SNED1: variants seen among roughly 807,000 people sequenced by gnomAD.
SNED1 encodes the protein sushi, nidogen and EGF like domains 1, also known as sushi, nidogen and EGF-like domain-containing protein 1.
In SNED1, 81 loss-of-function variants were observed where a neutral mutation model predicts 166.7. The observed-to-expected ratio is 0.49, with a 90% CI of 0.41 to 0.58. The LOEUF (loss-of-function observed/expected upper bound fraction) is 0.58, where lower values mean the gene tolerates loss of function less well. SNED1 is among the 20% of genes least tolerant of loss of function. The pLI, the probability that SNED1 is intolerant of heterozygous loss-of-function variation, is 0.00. For missense variants in SNED1, 1,604 were observed against 2,000.2 expected (o/e 0.80, Z 3.78); for synonymous variants, 762 against 822.0 (o/e 0.93, Z 1.25).
chr2:241,068,086 T>G lies in SNED1; in HGVS notation c.3194+139T>G. ...CTCCTCACCTGAGCGGAGACAAAGG[T>G]CTCAGGTGAGCCAGCCTCAGACCCT... On this transcript the variant is annotated intron_variant, in intron 22 of 31. Transcript: ENST00000310397. The surrounding 1 kb of genome is among the most constrained non-coding windows in gnomAD (Gnocchi z 5.3). 4.8e-6 allele frequency: 4 copies of G among 827,048 alleles called. No homozygotes were observed. The highest frequency in any genetic ancestry group is 7.4e-6 in the Non-Finnish European group (4 of 540,258). The allele number at this position is 827,048 out of a possible 1,614,324, so 51.2% of individuals were successfully genotyped here. A position where few individuals can be genotyped will look rare whatever the true frequency, so the allele number is the denominator to read the frequency against.
intron 24 of SNED1, 73 bp from the exon 25 acceptor site, chr2:241,071,503 C>A: frequency 2.0e-6 from 3 of 1,503,738 alleles, no homozygotes; most frequent in Non-Finnish European, 2.7e-6. Flanking sequence ...AGGGGCACCA[C>A]CCATGCCACA....
In SNED1 at chr2:241,081,920, G is replaced by T. The variant is rs557160404; in HGVS notation, c.4033+127G>T. On this transcript the variant is annotated intron_variant, in intron 28 of 31. Transcript: ENST00000310397. ...GATGAGGTGCCAGACAGGGAGTCTG[G>T]TGCACGGGGCTGACCCCTGAGCCCC... 3 of 731,200 alleles carry T rather than the reference G, an allele frequency of 4.1e-6. No homozygotes were observed. The African/African-American group carries it at 5.2e-5, about 13-fold the overall frequency. The allele number at this position is 731,200 out of a possible 1,614,324, so 45.3% of individuals were successfully genotyped here. A position where few individuals can be genotyped will look rare whatever the true frequency, so the allele number is the denominator to read the frequency against.
chr2:241,009,426 C>T (rs2060318912), intron 1 of SNED1, among the ~76,000 whole-genome samples: 1 of 152,090 alleles, frequency 6.6e-6, no homozygotes, highest in African/African-American at 2.4e-5. Flanking sequence ...GAGCACCTGG[C>T]CAAAGTGGGA....
intron 16 of SNED1, among the ~76,000 whole-genome samples, chr2:241,060,792 G>A (rs1041562928): frequency 3.3e-5 from 5 of 152,186 alleles, no homozygotes; most frequent in African/African-American, 9.6e-5. Flanking sequence ...TTAACCAGGC[G>A]TAGTGGCATG....
At chr2:240,998,394 G>A (rs1470801814), upstream of SNED1, among the ~76,000 whole-genome samples, 1 of 152,212 alleles carries the variant, frequency 6.6e-6, no homozygotes, top group East Asian at 1.9e-4. Context: ...GGGCCCAGGC[G>A]CCTCCACCAG....
intron 14 of SNED1, 33 bp downstream of exon 14, chr2:241,052,190 C>T: frequency 6.3e-7 from 1 of 1,575,250 alleles, no homozygotes; most frequent in Non-Finnish European, 8.7e-7. Context: ...CCAGGGCGGC[C>T]AGGGGTGAAC....
chr2:241,009,221 C>G (rs1447777880), intron 1 of SNED1, among the ~76,000 whole-genome samples: 1 of 152,134 alleles, frequency 6.6e-6, no homozygotes, highest in South Asian at 2.1e-4. Context: ...TGTGAGGAGG[C>G]CCCTCCCTCT....
At chr2:241,052,276 T>C in intron 14 of SNED1, 79 bp from the exon 15 acceptor site, 1 of 1,440,620 alleles carries the variant, frequency 6.9e-7, no homozygotes, top group African/African-American at 1.4e-5. Flanking sequence ...TGGAGCTGGG[T>C]GCAGGAGGCA....
At chr2:241,078,257 C>T (rs1034148047) in intron 27 of SNED1, among the ~76,000 whole-genome samples, 2 of 151,538 alleles carry the variant, frequency 1.3e-5, no homozygotes, top group Admixed American at 1.3e-4. Flanking sequence ...GTGGCGGGCG[C>T]CTGTAGTCCC....
chr2:241,047,372 G>A (rs2061681546), intron 8 of SNED1, among the ~76,000 whole-genome samples: 1 of 152,094 alleles, frequency 6.6e-6, no homozygotes, highest in Admixed American at 6.5e-5. Context: ...TGACTGAACT[G>A]CAAGGAGAAA....
chr2:241,012,539 C>T (rs920362380), intron 1 of SNED1, among the ~76,000 whole-genome samples: 5 of 152,154 alleles, frequency 3.3e-5, no homozygotes, highest in African/African-American at 9.6e-5. Flanking sequence ...ACCTCTGTAT[C>T]GTTGTATGAA....
At chr2:241,009,812 CGG>C (rs2060331987) in intron 1 of SNED1, among the ~76,000 whole-genome samples, 1 of 125,800 alleles carries the variant, frequency 7.9e-6, no homozygotes, top group African/African-American at 5.7e-5. Context: ...TGTGTTTCCC[CGG>C]AGGCGTCCCA....
intron 1 of SNED1, among the ~76,000 whole-genome samples, chr2:241,021,035 C>T (rs2060756678): frequency 2.0e-5 from 3 of 152,236 alleles, no homozygotes; most frequent in African/African-American, 4.8e-5. Flanking sequence ...CCCACTGCAA[C>T]CCCCTCGCTT....
chr2:241,053,418 C>T, intron 16 of SNED1, 92 bp downstream of exon 16: 1 of 1,318,878 alleles, frequency 7.6e-7, no homozygotes, highest in Non-Finnish European at 1.0e-6. Context: ...CAGGCCCAAG[C>T]CTGGATGCCC....
chr2:241,019,636 A>G (rs866798783), intron 1 of SNED1, among the ~76,000 whole-genome samples: 3 of 152,208 alleles, frequency 2.0e-5, no homozygotes, highest in Non-Finnish European at 4.4e-5. Flanking sequence ...CTCGTCCACA[A>G]TGATGGCTGC....
intron 1 of SNED1, among the ~76,000 whole-genome samples, chr2:241,003,126 G>A (rs568553695): frequency 8.2e-3 from 62 of 7,576 alleles, no homozygotes; most frequent in African/African-American, 0.028. Context: ...GCCCTCCCCC[G>A]GGCCCCCCGC....
intron 1 of SNED1, among the ~76,000 whole-genome samples, chr2:241,020,728 G>C (rs78776969): frequency 6.6e-6 from 1 of 152,272 alleles, no homozygotes; most frequent in South Asian, 2.1e-4. Flanking sequence ...CACCTTAAAG[G>C]GGGTGCAGTG....
At chr2:241,056,671 C>T (rs2062052120) in intron 16 of SNED1, among the ~76,000 whole-genome samples, 1 of 140,138 alleles carries the variant, frequency 7.1e-6, no homozygotes, top group African/African-American at 2.7e-5. Flanking sequence ...ATCTCCGCCT[C>T]CTGGGTTCAC....
chr2:241,067,617 G>A (rs2062514344), intron 21 of SNED1, 147 bp from the exon 22 acceptor site: 9 of 599,288 alleles, frequency 1.5e-5, no homozygotes, highest in East Asian at 2.8e-5. Flanking sequence ...CACTCAGCCC[G>A]AGTTCCCTGA....
Sources: allele counts gnomAD v4.1 joint callset (sites outside exome capture counted in the v4.1 genomes callset), GRCh38; gene constraint gnomAD v4.1.1; non-coding constraint Gnocchi (gnomAD v3.1); transcripts MANE v1.5; gene names NCBI Gene and HGNC (gene_info 2026-07-23, HGNC 2026-07-21).